DLG2: variants seen among roughly 807,000 people sequenced by gnomAD.
DLG2 encodes the protein disks large homolog 2.
In DLG2, 45 loss-of-function variants were observed where a neutral mutation model predicts 132.5. The ratio of observed to expected loss-of-function variants is 0.34; its 90% CI spans 0.27 to 0.44. DLG2 has a LOEUF of 0.44. Among genes scored for constraint, DLG2 ranks in the 20% least tolerant of loss-of-function variants. DLG2 has a pLI of 1.00. For missense variants in DLG2, 1,045 were observed against 1,196.9 expected (o/e 0.87, Z 1.87); for synonymous variants, 424 against 419.6 (o/e 1.01, Z -0.13).
At chr11:85,058,211 C>T (rs964731784) in intron 6 of DLG2, among the ~76,000 whole-genome samples, 2 of 151,390 alleles carry the variant, frequency 1.3e-5, no homozygotes, top group Admixed American at 6.6e-5. Flanking sequence ...TGTCTACATA[C>T]AATGTCAATA....
chr11:83,740,825 T>C (rs2092444929), intron 18 of DLG2, among the ~76,000 whole-genome samples: 1 of 152,192 alleles, frequency 6.6e-6, no homozygotes, highest in Non-Finnish European at 1.5e-5. Flanking sequence ...GCTTTTGCCA[T>C]GCCCCCAGTG....
intron 6 of DLG2, among the ~76,000 whole-genome samples, chr11:84,961,388 C>G (rs772902157): frequency 2.0e-5 from 3 of 151,992 alleles, no homozygotes; most frequent in Admixed American, 6.6e-5. Context: ...ATCAACCCAG[C>G]TCAATGCCTG....
chr11:85,376,749 C>A (rs1261705034), intron 3 of DLG2, among the ~76,000 whole-genome samples: 1 of 152,014 alleles, frequency 6.6e-6, no homozygotes, highest in Non-Finnish European at 1.5e-5. Context: ...AAGAAACCAA[C>A]CATTAGAAAA....
intron 18 of DLG2, among the ~76,000 whole-genome samples, chr11:83,763,679 A>G (rs1426882581): frequency 6.6e-6 from 1 of 152,214 alleles, no homozygotes; most frequent in Admixed American, 6.5e-5. Context: ...AGTTGATCAT[A>G]CCTTATAGTT....
chr11:85,211,216 A>G (rs1052303726), intron 4 of DLG2, among the ~76,000 whole-genome samples: 1 of 152,100 alleles, frequency 6.6e-6, no homozygotes, highest in Non-Finnish European at 1.5e-5. Flanking sequence ...TGTGAAAGAA[A>G]ATAATGAGTG....
intron 7 of DLG2, among the ~76,000 whole-genome samples, chr11:84,267,484 C>T (rs2097656030): frequency 1.3e-5 from 2 of 152,198 alleles, no homozygotes; most frequent in South Asian, 4.1e-4. Flanking sequence ...TATTCCTGTA[C>T]CACTAGTCAC....
chr11:84,606,639 T>C (rs186372998), intron 6 of DLG2, among the ~76,000 whole-genome samples: 130 of 152,260 alleles, frequency 8.5e-4, no homozygotes, highest in Admixed American at 1.4e-3. Context: ...TAAATTCCTT[T>C]TGGACAGCTG....
At chr11:83,638,995 TCTA>T (rs2065632496) in intron 18 of DLG2, among the ~76,000 whole-genome samples, 1 of 152,166 alleles carries the variant, frequency 6.6e-6, no homozygotes, top group Non-Finnish European at 1.5e-5. Flanking sequence ...AGAATGCAAA[TCTA>T]CCATTCACAC....
intron 3 of DLG2, among the ~76,000 whole-genome samples, chr11:85,517,310 A>T (rs1424158080): frequency 6.6e-6 from 1 of 152,176 alleles, no homozygotes; most frequent in Non-Finnish European, 1.5e-5. Flanking sequence ...TATATGATGA[A>T]CCTATAGCCA....
In DLG2 at chr11:84,100,691, C is replaced by G. The variant is rs145471093; in HGVS notation, c.625-1644G>C. ...TTTATGATCATTTGATTAATTTCCA[C>G]TCTTGGGTAAAAAGAGATGAGGACT... On this transcript the variant is annotated intron_variant, in intron 9 of 27. Transcript: ENST00000376104. Among the ~76,000 whole-genome samples, 187 of 152,050 alleles carry G rather than the reference C, an allele frequency of 1.2e-3. 1 individual carries two copies. The East Asian group carries it at 0.03, about 24-fold the overall frequency.
At chr11:83,493,043 A>G (rs1198793514) in intron 21 of DLG2, among the ~76,000 whole-genome samples, 1 of 152,122 alleles carries the variant, frequency 6.6e-6, no homozygotes, top group Non-Finnish European at 1.5e-5. Flanking sequence ...AGCTCTAGCT[A>G]CCACTTTGAT....
chr11:84,341,273 G>A (rs1172110137), intron 7 of DLG2, among the ~76,000 whole-genome samples: 1 of 152,096 alleles, frequency 6.6e-6, no homozygotes, highest in Non-Finnish European at 1.5e-5. Context: ...TAATAGTGGT[G>A]GTGGTGGTAG....
chr11:85,362,626 A>AT (rs1287970804), intron 3 of DLG2, among the ~76,000 whole-genome samples: 1 of 150,644 alleles, frequency 6.6e-6, no homozygotes, highest in Admixed American at 6.6e-5. Context: ...TTAATGCCTG[A>AT]TTGCTCTGGC....
At chr11:83,719,067 A>G (rs1197342247) in intron 18 of DLG2, among the ~76,000 whole-genome samples, 1 of 152,184 alleles carries the variant, frequency 6.6e-6, no homozygotes, top group Non-Finnish European at 1.5e-5. Flanking sequence ...CCCTGAAAGG[A>G]GCTACAGTTT....
At chr11:85,126,407 T>C (rs984645829) in intron 5 of DLG2, among the ~76,000 whole-genome samples, 8 of 152,190 alleles carry the variant, frequency 5.3e-5, no homozygotes, top group African/African-American at 1.9e-4. Flanking sequence ...TGCAGCTGGA[T>C]GGAATACTTA....
At chr11:84,989,923 G>T (rs573280094) in intron 6 of DLG2, among the ~76,000 whole-genome samples, 1 of 152,292 alleles carries the variant, frequency 6.6e-6, no homozygotes, top group South Asian at 2.1e-4. Context: ...TGGTGCTGGA[G>T]CAATTGGACA....
chr11:84,109,627 C>A (rs1023227563), intron 9 of DLG2, among the ~76,000 whole-genome samples: 4 of 152,170 alleles, frequency 2.6e-5, no homozygotes, highest in Non-Finnish European at 4.4e-5. Context: ...CTACTGGCAG[C>A]AAATATGTAC....
At chr11:83,588,148 T>A (rs1362692887) in intron 19 of DLG2, among the ~76,000 whole-genome samples, 1 of 152,060 alleles carries the variant, frequency 6.6e-6, no homozygotes, top group Non-Finnish European at 1.5e-5. Flanking sequence ...CAAGGAGGCC[T>A]GCCTGCCTCT....
At chr11:85,080,191 G>A (rs2067062519) in intron 6 of DLG2, among the ~76,000 whole-genome samples, 1 of 152,020 alleles carries the variant, frequency 6.6e-6, no homozygotes, top group Non-Finnish European at 1.5e-5. Flanking sequence ...TATATTTTTA[G>A]TAGTGGGGTG....
Sources: allele counts gnomAD v4.1 joint callset (sites outside exome capture counted in the v4.1 genomes callset), GRCh38; gene constraint gnomAD v4.1.1; transcripts MANE v1.5; gene names NCBI Gene and HGNC (gene_info 2026-07-23, HGNC 2026-07-21).